The following EXOC3L4 variants were observed in gnomAD, a reference collection of about 807,000 sequenced individuals.
The protein encoded by EXOC3L4 is exocyst complex component 3-like protein 4.
A neutral mutation model predicts 69.7 loss-of-function variants in EXOC3L4; 62 were observed. The observed-to-expected ratio is 0.89, with a 90% confidence interval of 0.72 to 1.10. The LOEUF (loss-of-function observed/expected upper bound fraction) is 1.10, where lower values mean the gene tolerates loss of function less well. Among genes scored for constraint, EXOC3L4 ranks in the 50% least tolerant of loss-of-function variants. The probability of loss-of-function intolerance (pLI) is 0.00; values close to 1 mark genes in which losing one functional copy is unlikely to be tolerated. For synonymous variants in EXOC3L4, 502 were observed against 464.2 expected, an observed-to-expected ratio of 1.08 and a Z score of -1.05; for missense variants, 1,087 against 1,034.8, an observed-to-expected ratio of 1.05 and a Z score of -0.69.
intron 1 of EXOC3L4, chr14:103,098,804 A>T (rs1225074714): frequency 6.6e-6 from 1 of 152,182 alleles, no homozygotes. Flanking sequence ...CGCTGGGGGA[A>T]GTCGCCGACC....
intron 1 of EXOC3L4, chr14:103,098,667 T>G (rs1296506710): frequency 1.3e-5 from 2 of 152,256 alleles, no homozygotes; most frequent in Admixed American, 1.3e-4. Context: ...ACCCCTGCCC[T>G]GCTGGGCGCC....
chr14:103,102,791 G>A lies in EXOC3L4; in HGVS notation c.1049+19G>A, dbSNP rs1004984232. The A allele has an allele frequency of 5.3e-6, 7 of 1,325,666 alleles. No homozygotes were observed. Among genetic ancestry groups the A allele is most frequent in the Admixed American group, 4.1e-5 (1 of 24,634 alleles). The allele number at this position is 1,325,666 out of a possible 1,614,324, so 82.1% of individuals were successfully genotyped here. ...ACGGCAGGTGAGTCTCGGCCAGGGC[G>A]CCCAGTGGCGAGGACAGCTGCCGCT... On this transcript the variant is annotated intron_variant, in intron 3 of 11. Transcript: ENST00000688303.
chr14:103,100,132 G>A (rs1201216588), intron 1 of EXOC3L4, 72 bp from the exon 2 acceptor site: 17 of 1,426,244 alleles, frequency 1.2e-5, no homozygotes, highest in Admixed American at 2.8e-5. Context: ...AAGCCCCTGG[G>A]TGTGGCCAGG....
intron 10 of EXOC3L4, among the ~76,000 whole-genome samples, chr14:103,108,000 C>T (rs747200943): frequency 1.3e-5 from 2 of 151,718 alleles, no homozygotes; most frequent in Non-Finnish European, 1.5e-5. Context: ...TGCAGGGGTG[C>T]GGGGAAGGGG....
In EXOC3L4 at chr14:103,100,403, C is replaced by A. The variant is rs780320128; in HGVS notation, c.184C>A (p.Gln62Lys). The change falls in exon 2 of 12, where the codon CAG (glutamine) becomes AAG (lysine). Residue 62 changes from glutamine (Q) to lysine (K), a missense_variant. By Grantham distance (53) the Gln-to-Lys change is moderately conservative. Coordinates refer to ENST00000688303, the MANE Select transcript of EXOC3L4 (RefSeq NM_001077594.2). ...GAGGCAGGCCTTCTCCCGGGCCAGC[C>A]AGCGGGCTTTGACCCAGGTCTCCAA... ...SLRQAFSRAS[Q>K]RALTQVSKED... is the part of the protein sequence containing the mutation. 6.2e-6 allele frequency: 10 copies of A among 1,611,748 alleles called. No homozygotes were observed. The highest frequency in any genetic ancestry group is 1.3e-5 in the African/African-American group (1 of 74,924).
rs773498066 is a variant in EXOC3L4 at position 103,108,419 on chromosome 14, C to T, written c.1878C>T (p.Asp626=). 1 of 1,613,890 alleles carries T rather than the reference C, an allele frequency of 6.2e-7. No homozygotes were observed. Among genetic ancestry groups the T allele is most frequent in the Non-Finnish European group, 8.5e-7 (1 of 1,179,864 alleles). Residue 626 remains aspartate (D), a synonymous_variant, in exon 11 of 12, where the codon GAC becomes GAT. Transcript: ENST00000688303. Reference sequence around the variant, plus strand: ...AGGGTTCCGAGGCCACATGGTTGGACCAAGCCATCCAGTGCGTGGCTGAGA... The same window carrying T: ...AGGGTTCCGAGGCCACATGGTTGGATCAAGCCATCCAGTGCGTGGCTGAGA... ...QGLGSEATWL[D]QAIQCVAEIL...
At chr14:103,102,936 G>A (rs1890293026) in intron 3 of EXOC3L4, among the ~76,000 whole-genome samples, 164 bp downstream of exon 3, 1 of 152,252 alleles carries the variant, frequency 6.6e-6, no homozygotes, top group Admixed American at 6.5e-5. Flanking sequence ...GGGTTAGGCC[G>A]TGGGGCGCTC....
intron 1 of EXOC3L4, 180 bp from the exon 2 acceptor site, chr14:103,100,024 C>T (rs780362244): frequency 1.5e-4 from 96 of 619,794 alleles, no homozygotes; most frequent in Non-Finnish European, 2.2e-4. Flanking sequence ...TGCCCAGCTG[C>T]GGCCTGGCAC....
Position 103,100,247 on chromosome 14 carries a change from G to A in EXOC3L4, c.28G>A (p.Gly10Arg). 1 of 1,581,176 alleles carries A rather than the reference G, an allele frequency of 6.3e-7. No individual in the cohort carries two copies. The highest frequency in any genetic ancestry group is 8.6e-7 in the Non-Finnish European group (1 of 1,162,218). MPSPQTDTPGPELQSPKEAE... is the reference protein window; with the variant it reads MPSPQTDTPRPELQSPKEAE... ...GCCATCACCACAGACAGACACTCCT[G>A]GGCCGGAGCTGCAGAGTCCCAAGGA... Residue 10 changes from glycine (G) to arginine (R), a missense_variant, in exon 2 of 12, where the codon GGG (glycine) becomes AGG (arginine). By Grantham distance (125) the Gly-to-Arg change is moderately radical (BLOSUM62 -2). Coordinates refer to ENST00000688303, the MANE Select transcript of EXOC3L4 (RefSeq NM_001077594.2).
chr14:103,105,885 A>G (rs1890521039), intron 7 of EXOC3L4, among the ~76,000 whole-genome samples: 1 of 152,256 alleles, frequency 6.6e-6, no homozygotes, highest in Non-Finnish European at 1.5e-5. Context: ...TCTGACTTCA[A>G]AGAACAGCTG....
intron 1 of EXOC3L4, among the ~76,000 whole-genome samples, chr14:103,098,080 A>G (rs1289156989): frequency 6.6e-6 from 1 of 152,072 alleles, no homozygotes; most frequent in African/African-American, 2.4e-5. Context: ...GCATGGCTGG[A>G]GGCTGAGGGG....
chr14:103,104,951 G>A, intron 6 of EXOC3L4, 41 bp from the exon 7 acceptor site: 1 of 1,595,422 alleles, frequency 6.3e-7, no homozygotes, highest in Non-Finnish European at 8.6e-7. Context: ...TCATCGCGCA[G>A]CTAGGGAGGG....
intron 11 of EXOC3L4, among the ~76,000 whole-genome samples, chr14:103,109,172 C>T (rs1240500846): frequency 7.1e-5 from 9 of 127,512 alleles, no homozygotes; most frequent in Non-Finnish European, 1.3e-4. Flanking sequence ...CACCTGTCCC[C>T]CGGTCTCCCT....
chr14:103,102,431 C>T lies in EXOC3L4; in HGVS notation c.708C>T (p.Arg236=). ...PSPPDDGDFL[R]TPRRWRQHWE... ...CCCCCGACGACGGCGACTTCCTGCGCACGCCGCGCCGCTGGCGCCAGCACT... is the reference window on the plus strand; with the variant it reads ...CCCCCGACGACGGCGACTTCCTGCGTACGCCGCGCCGCTGGCGCCAGCACT... Residue 236 remains arginine (R), a synonymous_variant, in exon 3 of 12, where the codon CGC becomes CGT. Coordinates refer to ENST00000688303, the MANE Select transcript of EXOC3L4 (RefSeq NM_001077594.2). 6.6e-7 allele frequency: 1 copy of T among 1,516,364 alleles called. No individual in the cohort carries two copies. The highest frequency in any genetic ancestry group is 1.2e-5 in the South Asian group (1 of 81,444). 93.9% of individuals were successfully genotyped at this position (1,516,364 alleles called of 1,614,324 possible). A position where few individuals can be genotyped will look rare whatever the true frequency, so the allele number is the denominator to read the frequency against.
At chr14:103,107,609 AC>A (rs1482984251) in intron 9 of EXOC3L4, 21 bp from the exon 10 acceptor site, 3 of 1,603,108 alleles carry the variant, frequency 1.9e-6, no homozygotes, top group Non-Finnish European at 2.6e-6. Context: ...CCTGACCCTG[AC>A]CCTGACCCTG....
In EXOC3L4 at chr14:103,104,992, GT is replaced by G; in HGVS notation, c.1389del (p.Phe463LeufsTer11). On this transcript the variant is annotated frameshift_variant and splice_region_variant, in exon 7 of 12. Coordinates refer to ENST00000688303, the MANE Select transcript of EXOC3L4 (RefSeq NM_001077594.2). LOFTEE classifies it high-confidence loss of function. Reference protein sequence around the residue: ...TRALGLFVPRFEKAFLASEAV... With the variant: ...TRALGLFVPRXEKAFLASEAV... ...AAAGGCTCTGTGTATCCCGCCCCAG[GT>G]TTGAAAAGGCTTTTCTGGCGTCGGA... The G allele has an allele frequency of 6.2e-7, 1 of 1,612,424 alleles. No individual in the cohort carries two copies. Among genetic ancestry groups the G allele is most frequent in the Non-Finnish European group, 8.5e-7 (1 of 1,178,776 alleles).
intron 8 of EXOC3L4, 68 bp downstream of exon 8, chr14:103,106,967 G>T: frequency 7.9e-7 from 1 of 1,264,762 alleles, no homozygotes; most frequent in Non-Finnish European, 1.1e-6. Flanking sequence ...CCTAGAGCCT[G>T]GGGGCCCAGG....
At chr14:103,101,122 G>T (rs1890165667) in intron 2 of EXOC3L4, among the ~76,000 whole-genome samples, 3 of 151,886 alleles carry the variant, frequency 2.0e-5, no homozygotes, top group Non-Finnish European at 4.4e-5. Flanking sequence ...TGGCCAGCCT[G>T]GTCTTGAGCT....
Position 103,107,545 on chromosome 14 carries a change from T to A in EXOC3L4, c.1701+2T>A. On this transcript the variant is annotated splice_donor_variant, in intron 9 of 11. Coordinates refer to ENST00000688303, the MANE Select transcript of EXOC3L4 (RefSeq NM_001077594.2). LOFTEE classifies it high-confidence loss of function. ...CGTGTGGCCCGGCCGCGGGCACAGG[T>A]ACCACAAGGGGGAGGGCCCTGGCAG... The A allele has an allele frequency of 6.2e-7, 1 of 1,613,458 alleles. No individual in the cohort carries two copies. Among genetic ancestry groups the A allele is most frequent in the Non-Finnish European group, 8.5e-7 (1 of 1,179,948 alleles).
Sources: allele counts gnomAD v4.1 joint callset (sites outside exome capture counted in the v4.1 genomes callset), GRCh38; gene constraint gnomAD v4.1.1; transcripts MANE v1.5; gene names NCBI Gene and HGNC (gene_info 2026-07-23, HGNC 2026-07-21).